RMDN2: variants seen among roughly 807,000 people sequenced by gnomAD.
The protein encoded by RMDN2 is regulator of microtubule dynamics protein 2.
In RMDN2, 61 loss-of-function variants were observed where a neutral mutation model predicts 52.8. The ratio of observed to expected loss-of-function variants is 1.16; its 90% confidence interval spans 0.94 to 1.43. The LOEUF is 1.43. RMDN2 is among the 40% of genes most tolerant of loss of function. The pLI is 0.00. For missense variants in RMDN2, 592 were observed against 475.3 expected, an observed-to-expected ratio of 1.25 and a Z score of -2.28; for synonymous variants, 180 against 153.1, an observed-to-expected ratio of 1.18 and a Z score of -1.30.
At chr2:38,043,666 T>G (rs1422299477) in intron 10 of RMDN2, among the ~76,000 whole-genome samples, 2 of 152,090 alleles carry the variant, frequency 1.3e-5, no homozygotes, top group Non-Finnish European at 2.9e-5. Flanking sequence ...TCAAGAAACA[T>G]TTTTGTGGTT....
chr2:38,048,055 C>G (rs1410893738), intron 10 of RMDN2, among the ~76,000 whole-genome samples: 1 of 152,218 alleles, frequency 6.6e-6, no homozygotes, highest in Non-Finnish European at 1.5e-5. Context: ...AACACAACTT[C>G]CTTTCATTGA....
chr2:37,968,306 C>T lies in RMDN2; in HGVS notation c.453-5734C>T, dbSNP rs144906120. Among the ~76,000 whole-genome samples, 307 of 143,644 alleles carry T rather than the reference C, an allele frequency of 2.1e-3. 2 individuals carry two copies. The highest frequency in any genetic ancestry group is 7.9e-3 in the African/African-American group (294 of 37,274). 94.2% of individuals were successfully genotyped at this position (143,644 alleles called of 152,430 possible). On this transcript the variant is annotated intron_variant, in intron 2 of 10. Coordinates refer to ENST00000354545, the MANE Select transcript of RMDN2 (RefSeq NM_001170791.3). ...AAATACAACAAAATTAGCTGGGCACCGTGGCAGGCACCTGTAATCCCAGCT... is the reference window on the plus strand; with the variant it reads ...AAATACAACAAAATTAGCTGGGCACTGTGGCAGGCACCTGTAATCCCAGCT...
intron 6 of RMDN2, among the ~76,000 whole-genome samples, chr2:37,989,849 A>G (rs1159442099): frequency 6.6e-6 from 1 of 152,184 alleles, no homozygotes; most frequent in Non-Finnish European, 1.5e-5. Flanking sequence ...GTGATTAAAG[A>G]TTATTATTAG....
chr2:38,042,445 A>C (rs958779645), intron 10 of RMDN2, among the ~76,000 whole-genome samples: 4 of 145,218 alleles, frequency 2.8e-5, no homozygotes, highest in Non-Finnish European at 4.6e-5. Flanking sequence ...CACACACACC[A>C]CACACACACA....
rs531443063 is a variant in RMDN2, at chr2:37,992,071, T to C, written c.945+774T>C. ...TATTGAACACCTGCTCTATGCCAAA[T>C]ATGCATTCTGTCCTTTATATTTCTT... On this transcript the variant is annotated intron_variant, in intron 7 of 10. Coordinates refer to ENST00000354545, the MANE Select transcript of RMDN2 (RefSeq NM_001170791.3). 4.6e-5 allele frequency among the ~76,000 whole-genome samples: 7 copies of C among 152,336 alleles called. No individual in the cohort carries two copies. The South Asian group carries it at 6.2e-4, about 14-fold the overall frequency.
At chr2:37,972,643 G>A (rs904131596) in intron 2 of RMDN2, among the ~76,000 whole-genome samples, 2 of 152,168 alleles carry the variant, frequency 1.3e-5, no homozygotes, top group African/African-American at 4.8e-5. Flanking sequence ...AAGGGTCAAG[G>A]ACTAAAGCAA....
rs117195864 is a variant in RMDN2 at position 37,945,111 on chromosome 2, A to T, written c.452+15382A>T. Reference sequence around the variant, plus strand: ...GGTGACATGGAAACTGACAATATAAAGTAGCATTGCTGCCCCTAATAAAGG... The same window carrying T: ...GGTGACATGGAAACTGACAATATAATGTAGCATTGCTGCCCCTAATAAAGG... On this transcript the variant is annotated intron_variant, in intron 2 of 10. Transcript: ENST00000354545. Among the ~76,000 whole-genome samples, 212 of 152,334 alleles carry T rather than the reference A, an allele frequency of 1.4e-3. 3 individuals carry two copies. In the East Asian group the frequency reaches 0.038, roughly 28 times the overall value.
chr2:38,005,320 A>G (rs1388734550), intron 10 of RMDN2, among the ~76,000 whole-genome samples: 4 of 152,218 alleles, frequency 2.6e-5, no homozygotes, highest in Non-Finnish European at 5.9e-5. Context: ...TCCCACCAAC[A>G]GTGTAAAAGT....
At chr2:38,042,297 T>C (rs1337739454) in intron 10 of RMDN2, among the ~76,000 whole-genome samples, 1 of 152,016 alleles carries the variant, frequency 6.6e-6, no homozygotes, top group Non-Finnish European at 1.5e-5. Flanking sequence ...TGATAAACCC[T>C]CCCCAATCTC....
chr2:37,925,621 CCG>C (rs1666210958), intron 1 of RMDN2, among the ~76,000 whole-genome samples, 196 bp downstream of exon 1: 1 of 152,238 alleles, frequency 6.6e-6, no homozygotes, highest in Non-Finnish European at 1.5e-5. Flanking sequence ...TAGTGGCTTC[CCG>C]GGTTCATCCC....
chr2:37,957,024 A>G (rs555630196), intron 2 of RMDN2, among the ~76,000 whole-genome samples: 2 of 152,124 alleles, frequency 1.3e-5, no homozygotes, highest in African/African-American at 2.4e-5. Flanking sequence ...CATGGTGTCT[A>G]TGTGCCACAT....
At chr2:37,997,554 T>C in intron 8 of RMDN2, 40 bp downstream of exon 8, 2 of 1,249,870 alleles carry the variant, frequency 1.6e-6, no homozygotes, top group East Asian at 2.3e-5. Flanking sequence ...TCAGACTGAT[T>C]ACCATCTGCA....
intron 4 of RMDN2, among the ~76,000 whole-genome samples, chr2:37,978,420 C>T (rs1672848705): frequency 6.6e-6 from 1 of 152,032 alleles, no homozygotes; most frequent in Non-Finnish European, 1.5e-5. Context: ...AATAGGATAG[C>T]AAAATAGACA....
At chr2:38,003,408 C>A (rs1676577031) in intron 8 of RMDN2, among the ~76,000 whole-genome samples, 1 of 152,090 alleles carries the variant, frequency 6.6e-6, no homozygotes, top group Non-Finnish European at 1.5e-5. Context: ...CAAAAATTAG[C>A]CAGGCATGGT....
intron 2 of RMDN2, among the ~76,000 whole-genome samples, chr2:37,963,969 G>A (rs1354546038): frequency 6.6e-6 from 1 of 151,066 alleles, no homozygotes; most frequent in Non-Finnish European, 1.5e-5. Context: ...TCCCGGACAG[G>A]GCGGCTGGCC....
At chr2:37,972,711 A>G (rs1194884344) in intron 2 of RMDN2, among the ~76,000 whole-genome samples, 1 of 152,118 alleles carries the variant, frequency 6.6e-6, no homozygotes, top group South Asian at 2.1e-4. Context: ...GGCTTAGACC[A>G]AGGTGGTAGT....
intron 2 of RMDN2, chr2:37,952,512 T>C: frequency 2.3e-6 from 1 of 436,732 alleles, no homozygotes; most frequent in Non-Finnish European, 4.0e-6. Context: ...GGTCTGAAAA[T>C]AACATCAAGC....
intron 2 of RMDN2, among the ~76,000 whole-genome samples, chr2:37,934,231 A>G (rs1275015825): frequency 1.3e-5 from 2 of 152,266 alleles, no homozygotes; most frequent in African/African-American, 4.8e-5. Flanking sequence ...GTTGTTGACA[A>G]AAACTTGAGT....
At chr2:37,970,003 GC>G (rs1671583881) in intron 2 of RMDN2, among the ~76,000 whole-genome samples, 1 of 151,744 alleles carries the variant, frequency 6.6e-6, no homozygotes, top group Non-Finnish European at 1.5e-5. Context: ...CACAATCATA[GC>G]TTACTGCAGC....
Sources: allele counts gnomAD v4.1 joint callset (sites outside exome capture counted in the v4.1 genomes callset), GRCh38; gene constraint gnomAD v4.1.1; transcripts MANE v1.5; gene names NCBI Gene and HGNC (gene_info 2026-07-23, HGNC 2026-07-21).